The following LARGE1 variants were observed in gnomAD, a reference collection of about 807,000 sequenced individuals.
LARGE1 encodes the protein LARGE xylosyl- and glucuronyltransferase 1, also known as xylosyl- and glucuronyltransferase LARGE1.
In LARGE1, 43 loss-of-function variants were observed where a neutral mutation model predicts 87.6. The observed-to-expected ratio is 0.49, with a 90% CI of 0.38 to 0.63. The LOEUF is 0.63. LARGE1 is among the 30% of genes least tolerant of loss of function. LARGE1 has a pLI of 0.00. For missense variants in LARGE1, 802 were observed against 1,000.2 expected (o/e 0.80, Z 2.67); for synonymous variants, 434 against 394.6 (o/e 1.10, Z -1.18).
At chr22:33,351,419 T>C (rs1458243308) in intron 9 of LARGE1, among the ~76,000 whole-genome samples, 1 of 152,252 alleles carries the variant, frequency 6.6e-6, no homozygotes, top group Non-Finnish European at 1.5e-5. Flanking sequence ...AACCATACTA[T>C]TACTTATTTT....
chr22:33,275,307 C>A (rs1929014433), intron 14 of LARGE1, among the ~76,000 whole-genome samples: 1 of 152,168 alleles, frequency 6.6e-6, no homozygotes, highest in South Asian at 2.1e-4. Context: ...AGATTTAGGT[C>A]ATATCGCTTA....
chr22:33,490,384 T>C (rs2148281858), intron 6 of LARGE1, among the ~76,000 whole-genome samples: 1 of 152,354 alleles, frequency 6.6e-6, no homozygotes, highest in East Asian at 1.9e-4. Flanking sequence ...CACAAAGGAC[T>C]GAGATGTTAT....
intron 2 of LARGE1, among the ~76,000 whole-genome samples, chr22:33,752,386 T>C (rs2084351265): frequency 6.6e-6 from 1 of 152,112 alleles, no homozygotes; most frequent in African/African-American, 2.4e-5. Flanking sequence ...GTTAAATTGG[T>C]ATCCAAAATC....
chr22:33,792,625 T>C (rs1223034637), intron 1 of LARGE1, among the ~76,000 whole-genome samples: 1 of 152,082 alleles, frequency 6.6e-6, no homozygotes, highest in Non-Finnish European at 1.5e-5. Flanking sequence ...GCATCTTTCA[T>C]TTCCTAAAGA....
At chr22:33,130,270 C>G in the LARGE1 span, among the ~76,000 whole-genome samples, 1 of 142,158 alleles carries the variant, frequency 7.0e-6, no homozygotes. Flanking sequence ...GCCGAGACAG[C>G]GCCACTGCAC....
At chr22:33,486,224 G>A (rs2069565905) in intron 6 of LARGE1, among the ~76,000 whole-genome samples, 1 of 152,228 alleles carries the variant, frequency 6.6e-6, no homozygotes, top group South Asian at 2.1e-4. Context: ...AGGGCTGGGT[G>A]TGGGTGGTGC....
intron 11 of LARGE1, among the ~76,000 whole-genome samples, chr22:33,175,223 C>G (rs993034290): frequency 5.3e-5 from 8 of 151,990 alleles, no homozygotes; most frequent in African/African-American, 1.9e-4. Context: ...CCTTTGAAAA[C>G]TGGCACAAGA....
intron 2 of LARGE1, among the ~76,000 whole-genome samples, chr22:33,722,035 T>C (rs2083114587): frequency 6.6e-6 from 1 of 152,154 alleles, no homozygotes; most frequent in Non-Finnish European, 1.5e-5. Flanking sequence ...TTGGATCACC[T>C]GAGGTCAGGA....
At chr22:33,615,579 A>G (rs544304482) in intron 4 of LARGE1, among the ~76,000 whole-genome samples, 1 of 152,100 alleles carries the variant, frequency 6.6e-6, no homozygotes, top group East Asian at 1.9e-4. Context: ...AAAAGGGTCC[A>G]TTCCTACCAG....
intron 7 of LARGE1, among the ~76,000 whole-genome samples, chr22:33,421,652 C>G (rs2056728224): frequency 6.6e-6 from 1 of 152,200 alleles, no homozygotes; most frequent in African/African-American, 2.4e-5. Flanking sequence ...ACTCTATTAT[C>G]TCATTTACTT....
chr22:33,851,776 C>T (rs1016624960), intron 1 of LARGE1, among the ~76,000 whole-genome samples: 6 of 152,212 alleles, frequency 3.9e-5, no homozygotes, highest in Non-Finnish European at 8.8e-5. Flanking sequence ...GAATTGGGTG[C>T]TGTCAACAGA....
the LARGE1 span, among the ~76,000 whole-genome samples, chr22:33,088,255 C>T: frequency 6.6e-6 from 1 of 152,114 alleles, no homozygotes; most frequent in Non-Finnish European, 1.5e-5. Flanking sequence ...AGAAAACCTT[C>T]TATGGTTGAC....
intron 1 of LARGE1, among the ~76,000 whole-genome samples, chr22:33,891,103 G>A (rs2064995595): frequency 6.6e-6 from 1 of 152,052 alleles, no homozygotes; most frequent in African/African-American, 2.4e-5. Flanking sequence ...CAACAGGCAG[G>A]CCCCTTGCTT....
At chr22:33,418,408 G>A (rs1044202299) in intron 7 of LARGE1, among the ~76,000 whole-genome samples, 2 of 152,190 alleles carry the variant, frequency 1.3e-5, no homozygotes, top group African/African-American at 4.8e-5. Flanking sequence ...TGGATACTAG[G>A]ATGGGGGTGG....
At chr22:33,492,023 C>T (rs2069867915) in intron 6 of LARGE1, among the ~76,000 whole-genome samples, 1 of 152,152 alleles carries the variant, frequency 6.6e-6, no homozygotes, top group Admixed American at 6.5e-5. Flanking sequence ...ACAAAAGTAT[C>T]AGTGGCAGTG....
intron 2 of LARGE1, among the ~76,000 whole-genome samples, chr22:33,730,010 G>C (rs371682749): frequency 6.6e-6 from 1 of 151,986 alleles, no homozygotes; most frequent in Non-Finnish European, 1.5e-5. Context: ...GCATGCGTGC[G>C]TGTGTGTGTT....
At chr22:33,677,890 C>T (rs568428919) in intron 2 of LARGE1, among the ~76,000 whole-genome samples, 6 of 152,152 alleles carry the variant, frequency 3.9e-5, no homozygotes, top group South Asian at 2.1e-4. Context: ...AAAGATGGAA[C>T]GCGGTCCTCC....
intron 6 of LARGE1, among the ~76,000 whole-genome samples, chr22:33,478,724 C>T (rs1330439697): frequency 6.6e-6 from 1 of 152,198 alleles, no homozygotes; most frequent in Admixed American, 6.5e-5. Flanking sequence ...AAGCATCTGG[C>T]ACAATGCCTA....
At chr22:33,906,074 G>A (rs2065441412) in intron 1 of LARGE1, among the ~76,000 whole-genome samples, 1 of 152,162 alleles carries the variant, frequency 6.6e-6, no homozygotes, top group Non-Finnish European at 1.5e-5. Context: ...AGGTTGCAGT[G>A]AGCCGAGATT....
Sources: gnomAD v4.1 joint callset for allele counts (sites outside exome capture counted in the v4.1 genomes callset) on GRCh38, gnomAD v4.1.1 for gene constraint, MANE v1.5 for transcripts, NCBI Gene and HGNC (gene_info 2026-07-23, HGNC 2026-07-21) for gene names.